Variants in ZFPM2 observed in about 807,000 individuals in gnomAD.
ZFPM2 encodes zinc finger protein, FOG family member 2.
A neutral mutation model predicts 98.6 loss-of-function variants in ZFPM2; 20 were observed. The ratio of observed to expected loss-of-function variants is 0.20; its 90% confidence interval spans 0.14 to 0.29. The LOEUF is 0.29. Ranked by LOEUF, ZFPM2 falls within the 10% of genes least tolerant of loss-of-function variation. ZFPM2 has a pLI of 1.00. For synonymous variants in ZFPM2, 518 were observed against 502.7 expected, an observed-to-expected ratio of 1.03 and a Z score of -0.41; for missense variants, 1,310 against 1,388.6, an observed-to-expected ratio of 0.94 and a Z score of 0.90.
intron 2 of ZFPM2, among the ~76,000 whole-genome samples, chr8:105,436,850 G>A (rs1187777279): frequency 1.3e-5 from 2 of 152,154 alleles, no homozygotes; most frequent in Non-Finnish European, 2.9e-5. Flanking sequence ...GCTGAGTAGT[G>A]CTTAAGAGAT....
intron 5 of ZFPM2, among the ~76,000 whole-genome samples, chr8:105,764,333 G>A (rs1024071101): frequency 7.0e-6 from 1 of 142,368 alleles, no homozygotes; most frequent in African/African-American, 2.6e-5. Flanking sequence ...CACATATTTG[G>A]AAATACTCAA....
intron 5 of ZFPM2, among the ~76,000 whole-genome samples, chr8:105,739,237 A>G (rs1191367234): frequency 2.0e-5 from 3 of 152,102 alleles, no homozygotes; most frequent in Admixed American, 2.0e-4. Flanking sequence ...ATATTTAAGC[A>G]AAAGTCCCAT....
intron 5 of ZFPM2, among the ~76,000 whole-genome samples, chr8:105,717,597 T>C (rs1423703633): frequency 6.6e-6 from 1 of 151,442 alleles, no homozygotes; most frequent in East Asian, 1.9e-4. Context: ...AGAAAGATGT[T>C]TGTTGTTCTT....
chr8:105,533,969 TCTCCTCCCTCCCTCCTTCCCTCCCTCTC>T, intron 3 of ZFPM2, among the ~76,000 whole-genome samples: 1 of 20,226 alleles, frequency 4.9e-5, no homozygotes, highest in African/African-American at 3.2e-4. Flanking sequence ...CCTCCCTCCC[TCTCCTCCCTCCCTCCTTCCCTCCCTCTC>T]TCCTTCCTTC....
At chr8:105,748,249 T>C (rs1296433712) in intron 5 of ZFPM2, among the ~76,000 whole-genome samples, 4 of 152,060 alleles carry the variant, frequency 2.6e-5, no homozygotes, top group African/African-American at 9.7e-5. Context: ...TGCCAAAAAT[T>C]ATTTATCATC....
intron 5 of ZFPM2, among the ~76,000 whole-genome samples, chr8:105,661,349 TG>T (rs2130886512): frequency 1.3e-5 from 2 of 152,308 alleles, no homozygotes; most frequent in South Asian, 4.1e-4. Context: ...TTTTATTCAA[TG>T]AAGAAAGTAA....
chr8:105,670,659 T>C (rs1817578411), intron 5 of ZFPM2, among the ~76,000 whole-genome samples: 1 of 152,192 alleles, frequency 6.6e-6, no homozygotes, highest in Non-Finnish European at 1.5e-5. Flanking sequence ...TGACCCCATC[T>C]TTTAAAAATA....
intron 6 of ZFPM2, among the ~76,000 whole-genome samples, chr8:105,789,562 T>C (rs1813534361): frequency 6.6e-6 from 1 of 151,988 alleles, no homozygotes; most frequent in Non-Finnish European, 1.5e-5. Context: ...CATGTGTCTT[T>C]ATAGCAGCAT....
chr8:105,791,756 C>T (rs1025355388), intron 6 of ZFPM2, among the ~76,000 whole-genome samples: 3 of 152,154 alleles, frequency 2.0e-5, no homozygotes, highest in Admixed American at 1.3e-4. Context: ...TGATTATTGC[C>T]ACAATTTCAG....
chr8:105,796,988 C>G (rs536044175), intron 6 of ZFPM2: 90 of 152,042 alleles, frequency 5.9e-4, no homozygotes, highest in African/African-American at 2.1e-3. Context: ...ATGAATGAAG[C>G]CATTACTGAC....
intron 5 of ZFPM2, among the ~76,000 whole-genome samples, chr8:105,675,264 T>C (rs1810417796): frequency 6.6e-6 from 1 of 152,206 alleles, no homozygotes; most frequent in South Asian, 2.1e-4. Context: ...ATATGTTCAT[T>C]CCATGGGTAA....
chr8:105,324,421 G>A (rs1252285067), intron 1 of ZFPM2, among the ~76,000 whole-genome samples: 1 of 151,688 alleles, frequency 6.6e-6, no homozygotes, highest in African/African-American at 2.4e-5. Flanking sequence ...TGTTATTTCT[G>A]CTAGTTGAGG....
chr8:105,711,045 G>T (rs1481842014), intron 5 of ZFPM2, among the ~76,000 whole-genome samples: 2 of 151,388 alleles, frequency 1.3e-5, no homozygotes, highest in Admixed American at 1.3e-4. Flanking sequence ...ACACATACTT[G>T]GTCATTAAGG....
intron 5 of ZFPM2, among the ~76,000 whole-genome samples, chr8:105,694,056 G>A (rs1232849680): frequency 1.0e-4 from 14 of 140,468 alleles, no homozygotes; most frequent in Non-Finnish European, 1.6e-4. Flanking sequence ...GTGCGATCTC[G>A]GCTCACTGCA....
chr8:105,697,720 C>G (rs1449199546), intron 5 of ZFPM2, among the ~76,000 whole-genome samples: 2 of 152,142 alleles, frequency 1.3e-5, no homozygotes, highest in Non-Finnish European at 2.9e-5. Flanking sequence ...CCTTAGTTTA[C>G]AATTTTAAAA....
chr8:105,515,430 G>A (rs1242004240), intron 3 of ZFPM2, among the ~76,000 whole-genome samples: 3 of 152,066 alleles, frequency 2.0e-5, no homozygotes, highest in African/African-American at 7.2e-5. Flanking sequence ...ACTACCCTAT[G>A]AATAGCAAGA....
intron 1 of ZFPM2, among the ~76,000 whole-genome samples, chr8:105,398,032 G>A (rs929281012): frequency 3.3e-5 from 5 of 151,990 alleles, no homozygotes; most frequent in African/African-American, 2.4e-5. Context: ...AAAAGTATCC[G>A]CAGGTCAATT....
intron 1 of ZFPM2, among the ~76,000 whole-genome samples, chr8:105,323,843 G>A (rs937114133): frequency 5.9e-5 from 9 of 151,674 alleles, no homozygotes; most frequent in Non-Finnish European, 1.5e-5. Flanking sequence ...AAGAGTTTAG[G>A]GCTAAAACTT....
chr8:105,366,126 T>TG (rs1810503150), intron 1 of ZFPM2, among the ~76,000 whole-genome samples: 1 of 152,214 alleles, frequency 6.6e-6, no homozygotes, highest in African/African-American at 2.4e-5. Context: ...GTGTTCATGC[T>TG]AATTCCGAAT....
Sources: gnomAD v4.1 joint callset for allele counts (sites outside exome capture counted in the v4.1 genomes callset) on GRCh38, gnomAD v4.1.1 for gene constraint, MANE v1.5 for transcripts, NCBI Gene and HGNC (gene_info 2026-07-23, HGNC 2026-07-21) for gene names.